Variants in FOXK1 observed in about 807,000 individuals in gnomAD.
FOXK1 encodes the protein forkhead box protein K1.
A neutral mutation model predicts 51.9 loss-of-function variants in FOXK1; 19 were observed. The ratio of observed to expected loss-of-function variants is 0.37; its 90% CI spans 0.26 to 0.54. The LOEUF (loss-of-function observed/expected upper bound fraction) is 0.54. FOXK1 is among the 20% of genes least tolerant of loss of function. The probability of loss-of-function intolerance (pLI) is 0.87; values close to 1 mark genes in which losing one functional copy is unlikely to be tolerated. For synonymous variants in FOXK1, 537 were observed against 482.6 expected (o/e 1.11, Z -1.48); for missense variants, 870 against 1,032.7 (o/e 0.84, Z 2.16).
In FOXK1 at chr7:4,726,973, C is replaced by G. The variant is rs538084352; in HGVS notation, c.561-13865C>G. 2.6e-5 allele frequency among the ~76,000 whole-genome samples: 4 copies of G among 152,026 alleles called. No individual in the cohort carries two copies. The South Asian group carries it at 8.3e-4, about 32-fold the overall frequency. ...AATTTTTTTTTTTTACAAACGGGGT[C>G]TTGCTCTGTCACCCAGGTTGGAGTG... On this transcript the variant is annotated intron_variant, in intron 1 of 8. Transcript: ENST00000328914.
rs749123566 is a variant in FOXK1, at chr7:4,758,361, T to C, written c.1245-690T>C. The C allele has an allele frequency of 6.6e-6, 1 of 152,342 alleles. No homozygotes were observed. Among genetic ancestry groups the C allele is most frequent in the Non-Finnish European group, 1.5e-5 (1 of 68,128 alleles). The allele number at this position is 152,342 out of a possible 1,614,324, so 9.4% of individuals were successfully genotyped here. ...CGCCTGTGAGCGGTCTGGGCAGCGCTTCCCAGGTTGCCCATCAGATGAGCC... is the reference window on the plus strand; with the variant it reads ...CGCCTGTGAGCGGTCTGGGCAGCGCCTCCCAGGTTGCCCATCAGATGAGCC... On this transcript the variant is annotated intron_variant, in intron 5 of 8. Coordinates refer to ENST00000328914, the MANE Select transcript of FOXK1 (RefSeq NM_001037165.2). This position sits in a 1 kb window ranked among gnomAD's most constrained non-coding sequence, Gnocchi z 4.4.
chr7:4,712,004 T>G (rs28409710), intron 1 of FOXK1, among the ~76,000 whole-genome samples: 39 of 149,768 alleles, frequency 2.6e-4, no homozygotes, highest in African/African-American at 8.8e-4. Context: ...GCCCACCAAG[T>G]CCGAAGCTGG....
At position 4,748,426 on chromosome 7, in the gene FOXK1, C is replaced by T. The variant is rs1780733700; in HGVS notation, c.747-6033C>T. 6.6e-6 allele frequency among the ~76,000 whole-genome samples: 1 copy of T among 152,148 alleles called. No individual in the cohort carries two copies. The highest frequency in any genetic ancestry group is 2.1e-4 in the South Asian group (1 of 4,826). ...TATTAGAACTGTGTAGTGATTGTAG[C>T]GCTTAGCCATTTCCTTCCTTGTACT... On this transcript the variant is annotated intron_variant, in intron 2 of 8. Coordinates refer to ENST00000328914, the MANE Select transcript of FOXK1 (RefSeq NM_001037165.2). The surrounding 1 kb of genome is among the most constrained non-coding windows in gnomAD (Gnocchi z 4.9).
chr7:4,733,853 C>G lies in FOXK1; in HGVS notation c.561-6985C>G, dbSNP rs1780513366. Among the ~76,000 whole-genome samples, 1 of 152,206 alleles carries G rather than the reference C, an allele frequency of 6.6e-6. No homozygotes were observed. The highest frequency in any genetic ancestry group is 2.4e-5 in the African/African-American group (1 of 41,452). On this transcript the variant is annotated intron_variant, in intron 1 of 8. Transcript: ENST00000328914. This position sits in a 1 kb window ranked among gnomAD's most constrained non-coding sequence, Gnocchi z 5.0. ...TGGGAGCCTTTCCCTGGTCTTTAGT[C>G]CGGCTGACATCCTCTCTCTGGCCGT...
At position 4,734,268 on chromosome 7, in the gene FOXK1, G is replaced by C. The variant is rs1208954898; in HGVS notation, c.561-6570G>C. On this transcript the variant is annotated intron_variant, in intron 1 of 8. Transcript: ENST00000328914. This position sits in a 1 kb window ranked among gnomAD's most constrained non-coding sequence, Gnocchi z 5.2. ...AGCCTCTGAAGCTCCTGTTTTCTTT[G>C]TCCTTCCTGAGACAGATCTCATCCA... Among the ~76,000 whole-genome samples, 3 of 152,128 alleles carry C rather than the reference G, an allele frequency of 2.0e-5. No individual in the cohort carries two copies. The East Asian group carries it at 5.8e-4, about 29-fold the overall frequency.
At chr7:4,750,417 G>A (rs1341833273) in intron 2 of FOXK1, among the ~76,000 whole-genome samples, 1 of 151,718 alleles carries the variant, frequency 6.6e-6, no homozygotes. Context: ...GAGGAAATGT[G>A]TGCACGTGTA....
chr7:4,707,164 C>T lies in FOXK1; in HGVS notation c.560+24296C>T, dbSNP rs1243959455. 6.6e-6 allele frequency among the ~76,000 whole-genome samples: 1 copy of T among 152,222 alleles called. No homozygotes were observed. Among genetic ancestry groups the T allele is most frequent in the Non-Finnish European group, 1.5e-5 (1 of 68,046 alleles). ...TGATGTTACGTTGCCCTCTTTGTTACCACCCCTGGTGCGGTGGACACAGAC... is the reference window on the plus strand; with the variant it reads ...TGATGTTACGTTGCCCTCTTTGTTATCACCCCTGGTGCGGTGGACACAGAC... On this transcript the variant is annotated intron_variant, in intron 1 of 8. Transcript: ENST00000328914. This position sits in a 1 kb window ranked among gnomAD's most constrained non-coding sequence, Gnocchi z 4.1.
At position 4,747,075 on chromosome 7, in the gene FOXK1, G is replaced by A. The variant is rs887437832; in HGVS notation, c.746+6052G>A. On this transcript the variant is annotated intron_variant, in intron 2 of 8. Coordinates refer to ENST00000328914, the MANE Select transcript of FOXK1 (RefSeq NM_001037165.2). The surrounding 1 kb of genome is among the most constrained non-coding windows in gnomAD (Gnocchi z 9.2). ...CGCTAAAGTGTTGGGAGTTCGGAAT[G>A]AAGCTTGGTAGGGAAGTCCTTGTGT... Among the ~76,000 whole-genome samples the A allele has an allele frequency of 2.6e-5, 4 of 152,186 alleles. No individual in the cohort carries two copies. The East Asian group carries it at 7.7e-4, about 29-fold the overall frequency.
intron 1 of FOXK1, among the ~76,000 whole-genome samples, chr7:4,697,390 C>G (rs116271314): frequency 0.02 from 2,999 of 152,294 alleles, 97 homozygotes; most frequent in African/African-American, 0.066. Flanking sequence ...AGCCTGTGGG[C>G]CAGACCCTGC....
chr7:4,725,573 G>A (rs776329818), intron 1 of FOXK1, among the ~76,000 whole-genome samples: 4 of 152,226 alleles, frequency 2.6e-5, no homozygotes, highest in Non-Finnish European at 5.9e-5. Flanking sequence ...GGGCCCCTCC[G>A]GCCAGTCTGC....
At chr7:4,739,176 C>T (rs1199533810) in intron 1 of FOXK1, among the ~76,000 whole-genome samples, 1 of 152,228 alleles carries the variant, frequency 6.6e-6, no homozygotes, top group Non-Finnish European at 1.5e-5. Flanking sequence ...CAGCCTGGTG[C>T]TTCATGCAGG....
intron 1 of FOXK1, among the ~76,000 whole-genome samples, chr7:4,700,962 G>A (rs566151298): frequency 3.9e-5 from 6 of 152,354 alleles, no homozygotes; most frequent in African/African-American, 7.2e-5. Context: ...TGTCAGAAGC[G>A]GAGGTTGTTG....
chr7:4,747,300 C>T lies in FOXK1; in HGVS notation c.746+6277C>T, dbSNP rs558380245. ...CATGAGCCTCAGGGGAAGCAGGAGG[C>T]GCCTGCAGACACGGAGCTGACCCCG... is the stretch of plus-strand genomic sequence containing the variant. On this transcript the variant is annotated intron_variant, in intron 2 of 8. Transcript: ENST00000328914. This position sits in a 1 kb window ranked among gnomAD's most constrained non-coding sequence, Gnocchi z 9.2. Among the ~76,000 whole-genome samples, 28 of 152,158 alleles carry T rather than the reference C, an allele frequency of 1.8e-4. No individual in the cohort carries two copies. Among genetic ancestry groups the T allele is most frequent in the Admixed American group, 8.5e-4 (13 of 15,276 alleles).
Position 4,683,125 on chromosome 7 carries a change from C to T in FOXK1, c.560+257C>T, listed in dbSNP as rs746777690. Among the ~76,000 whole-genome samples, 1 of 151,646 alleles carries T rather than the reference C, an allele frequency of 6.6e-6. No individual in the cohort carries two copies. The highest frequency in any genetic ancestry group is 1.5e-5 in the Non-Finnish European group (1 of 67,878). On this transcript the variant is annotated intron_variant, in intron 1 of 8. Coordinates refer to ENST00000328914, the MANE Select transcript of FOXK1 (RefSeq NM_001037165.2). The surrounding 1 kb of genome is among the most constrained non-coding windows in gnomAD (Gnocchi z 4.5). ...TCCTCCACTTTCCCCGGTCTGGATACCCCGTCGCCCCCGACCCCCACCGGC... is the reference window on the plus strand; with the variant it reads ...TCCTCCACTTTCCCCGGTCTGGATATCCCGTCGCCCCCGACCCCCACCGGC...
intron 1 of FOXK1, among the ~76,000 whole-genome samples, chr7:4,714,877 C>T (rs1780215371): frequency 1.3e-5 from 2 of 152,158 alleles, no homozygotes; most frequent in African/African-American, 4.8e-5. Context: ...AGTCCGATTT[C>T]TCCAGAGAGC....
Position 4,759,227 on chromosome 7 carries a change from G to A in FOXK1, c.1411+10G>A, listed in dbSNP as rs773289863. The A allele has an allele frequency of 6.2e-7, 1 of 1,611,736 alleles. No homozygotes were observed. The highest frequency in any genetic ancestry group is 1.3e-5 in the African/African-American group (1 of 74,924). On this transcript the variant is annotated intron_variant, in intron 6 of 8. Coordinates refer to ENST00000328914, the MANE Select transcript of FOXK1 (RefSeq NM_001037165.2). Reference sequence around the variant, plus strand: ...TCCCAAAGCGCACCCGGTAAGGAGCGGGCGGCCCTCTTGCGGGGCGGGGCG... The same window carrying A: ...TCCCAAAGCGCACCCGGTAAGGAGCAGGCGGCCCTCTTGCGGGGCGGGGCG...
At chr7:4,697,627 C>G (rs1779969707) in intron 1 of FOXK1, among the ~76,000 whole-genome samples, 1 of 152,094 alleles carries the variant, frequency 6.6e-6, no homozygotes, top group Admixed American at 6.6e-5. Flanking sequence ...CCTTTTATTA[C>G]CAATTTCTCT....
At position 4,755,561 on chromosome 7, in the gene FOXK1, A is replaced by G. The variant is rs1328226579; in HGVS notation, c.1050+178A>G. ...CAAGACCAGCCTGTGCAACATAGAG[A>G]GAACCTCTTTTCTACTAAAAATTAG... is the stretch of plus-strand genomic sequence containing the variant. On this transcript the variant is annotated intron_variant, in intron 4 of 8. Coordinates refer to ENST00000328914, the MANE Select transcript of FOXK1 (RefSeq NM_001037165.2). This position sits in a 1 kb window ranked among gnomAD's most constrained non-coding sequence, Gnocchi z 6.6. 2.0e-5 allele frequency among the ~76,000 whole-genome samples: 3 copies of G among 152,112 alleles called. No homozygotes were observed. Among genetic ancestry groups the G allele is most frequent in the Non-Finnish European group, 4.4e-5 (3 of 68,008 alleles).
rs932960992 is a variant in FOXK1, at chr7:4,747,355, C to T, written c.746+6332C>T. 7.2e-5 allele frequency among the ~76,000 whole-genome samples: 11 copies of T among 152,228 alleles called. No homozygotes were observed. The highest frequency in any genetic ancestry group is 2.1e-4 in the South Asian group (1 of 4,830). On this transcript the variant is annotated intron_variant, in intron 2 of 8. Coordinates refer to ENST00000328914, the MANE Select transcript of FOXK1 (RefSeq NM_001037165.2). This position sits in a 1 kb window ranked among gnomAD's most constrained non-coding sequence, Gnocchi z 9.2. Reference sequence around the variant, plus strand: ...CTGCCTAGCTGCGGGGCCGCCTCTCCGCTCAAGCACCCACTCAGCTCTGTG... The same window carrying T: ...CTGCCTAGCTGCGGGGCCGCCTCTCTGCTCAAGCACCCACTCAGCTCTGTG...
Sources: gnomAD v4.1 joint callset for allele counts (sites outside exome capture counted in the v4.1 genomes callset) on GRCh38, gnomAD v4.1.1 for gene constraint, Gnocchi (gnomAD v3.1) non-coding constraint, MANE v1.5 for transcripts, NCBI Gene and HGNC (gene_info 2026-07-23, HGNC 2026-07-21) for gene names.